The following KAZN variants were observed in gnomAD, a reference collection of about 807,000 sequenced individuals.
The protein encoded by KAZN is kazrin.
In KAZN, 40 loss-of-function variants were observed where a neutral mutation model predicts 87.4. That is an observed-to-expected ratio of 0.46 (90% CI 0.36 to 0.60). The LOEUF (loss-of-function observed/expected upper bound fraction) is 0.60, where lower values mean the gene tolerates loss of function less well. Ranked by LOEUF, KAZN falls within the 20% of genes least tolerant of loss-of-function variation. The probability of loss-of-function intolerance (pLI) is 0.00; values close to 1 mark genes in which losing one functional copy is unlikely to be tolerated. For synonymous variants in KAZN, 466 were observed against 458.3 expected, an observed-to-expected ratio of 1.02 and a Z score of -0.22; for missense variants, 898 against 1,073.9, an observed-to-expected ratio of 0.84 and a Z score of 2.29.
At chr1:15,034,418 T>C (rs1390542928) in intron 2 of KAZN, among the ~76,000 whole-genome samples, 1 of 152,182 alleles carries the variant, frequency 6.6e-6, no homozygotes, top group Non-Finnish European at 1.5e-5. Context: ...TCCTGAGCCA[T>C]GGGCCCCTGG....
At chr1:13,961,279 A>G (rs1397735962) in intron 1 of KAZN, among the ~76,000 whole-genome samples, 1 of 152,208 alleles carries the variant, frequency 6.6e-6, no homozygotes, top group Non-Finnish European at 1.5e-5. Flanking sequence ...AATAAACCAT[A>G]AACCAGAACA....
In KAZN at chr1:14,732,638, CA is replaced by C. The variant is rs955376910; in HGVS notation, c.226+133419del. Among the ~76,000 whole-genome samples the C allele has an allele frequency of 4.6e-5, 7 of 151,996 alleles. No homozygotes were observed. In the South Asian group the frequency reaches 1.5e-3, roughly 32 times the overall value. ...TGGGTGACAGAGCAAGACTCTGTCT[CA>C]AAACAAAAGGAAAAGAACAAAATGA... On this transcript the variant is annotated intron_variant, in intron 1 of 14. Coordinates refer to ENST00000376030, the MANE Select transcript of KAZN (RefSeq NM_201628.3).
intron 1 of KAZN, among the ~76,000 whole-genome samples, chr1:14,131,485 G>A (rs1427207438): frequency 6.6e-6 from 1 of 152,116 alleles, no homozygotes; most frequent in Non-Finnish European, 1.5e-5. Flanking sequence ...TAGTGTAGAA[G>A]GAGAAACCTT....
chr1:14,100,675 T>TA (rs1431145806), intron 1 of KAZN, among the ~76,000 whole-genome samples: 1 of 152,208 alleles, frequency 6.6e-6, no homozygotes, highest in African/African-American at 2.4e-5. Flanking sequence ...GCCTGGTACA[T>TA]ACACAAATTC....
intron 1 of KAZN, among the ~76,000 whole-genome samples, chr1:14,951,280 G>A (rs192401472): frequency 2.8e-4 from 43 of 152,090 alleles, no homozygotes; most frequent in South Asian, 2.5e-3. Flanking sequence ...GGGCTCTGCC[G>A]GCCTCCTCAT....
At chr1:14,222,924 A>G (rs770957366) in intron 2 of KAZN, 9 of 152,186 alleles carry the variant, frequency 5.9e-5, no homozygotes, top group Non-Finnish European at 1.3e-4. Context: ...TATTATAGTC[A>G]TCATCATCAA....
chr1:14,383,836 T>G lies in KAZN; in HGVS notation c.249+203244T>G, dbSNP rs1435832846. 2.6e-5 allele frequency among the ~76,000 whole-genome samples: 4 copies of G among 152,162 alleles called. No individual in the cohort carries two copies. The East Asian group carries it at 7.7e-4, about 29-fold the overall frequency. On this transcript the variant is annotated intron_variant, in intron 2 of 16. Transcript: ENST00000636203. ...TTCCATATGAACTTTAAAGTAGTTT[T>G]TCCAATTCTGTGAAGAAAGTCATTG...
intron 13 of KAZN, among the ~76,000 whole-genome samples, chr1:15,106,884 T>G (rs1641313458): frequency 6.6e-6 from 1 of 152,134 alleles, no homozygotes; most frequent in South Asian, 2.1e-4. Context: ...TTTAAGGACC[T>G]GGAGAATAAA....
At chr1:14,371,591 CCT>C (rs1179090971) in intron 2 of KAZN, among the ~76,000 whole-genome samples, 1 of 152,012 alleles carries the variant, frequency 6.6e-6, no homozygotes, top group African/African-American at 2.4e-5. Flanking sequence ...TTCTTGGTAC[CCT>C]CTTGGAAGAT....
At chr1:14,523,314 T>C (rs1671683695) in intron 2 of KAZN, among the ~76,000 whole-genome samples, 1 of 152,122 alleles carries the variant, frequency 6.6e-6, no homozygotes, top group Non-Finnish European at 1.5e-5. Context: ...AGTTGCTCCC[T>C]CTCCACCAAA....
intron 2 of KAZN, among the ~76,000 whole-genome samples, chr1:14,468,116 C>T (rs1668263158): frequency 1.3e-5 from 2 of 152,088 alleles, no homozygotes; most frequent in Admixed American, 6.6e-5. Flanking sequence ...AAACCACAAG[C>T]GTCTACTACA....
chr1:14,480,649 TATA>T (rs1009326548), intron 2 of KAZN, among the ~76,000 whole-genome samples: 21 of 145,032 alleles, frequency 1.4e-4, no homozygotes, highest in Non-Finnish European at 2.3e-4. Context: ...TATTATAATA[TATA>T]ATATTTATTT....
rs558282132 is a variant in KAZN at position 15,116,680 on chromosome 1, G to T, written c.*2045G>T. 6.6e-6 allele frequency: 1 copy of T among 152,252 alleles called. No homozygotes were observed. Among genetic ancestry groups the T allele is most frequent in the African/African-American group, 2.4e-5 (1 of 41,466 alleles). The allele number at this position is 152,252 out of a possible 1,614,324, so 9.4% of individuals were successfully genotyped here. ...ATGACCTGGGACCCCAGAAACTGCC[G>T]TTTGGGAGGCAGCAACAGCAACGTG... On this transcript the variant is annotated 3_prime_UTR_variant, in exon 15 of 15. Transcript: ENST00000376030.
At chr1:14,386,712 G>A (rs1489322890) in intron 2 of KAZN, among the ~76,000 whole-genome samples, 1 of 152,028 alleles carries the variant, frequency 6.6e-6, no homozygotes, top group Admixed American at 6.5e-5. Context: ...TCCCTTTGAG[G>A]GTAACATGAC....
chr1:15,067,120 G>T, intron 8 of KAZN: 2 of 985,838 alleles, frequency 2.0e-6, no homozygotes, highest in Non-Finnish European at 2.4e-6. Flanking sequence ...TGTCTTTCTT[G>T]TCCTGGGTTT....
intron 2 of KAZN, among the ~76,000 whole-genome samples, chr1:14,326,644 C>G (rs1053066513): frequency 1.3e-5 from 2 of 152,130 alleles, no homozygotes; most frequent in African/African-American, 4.8e-5. Flanking sequence ...CCCCTGGTAC[C>G]TCTCTCACCT....
chr1:13,994,574 G>C (rs999271922), intron 1 of KAZN, among the ~76,000 whole-genome samples: 15 of 152,164 alleles, frequency 9.9e-5, no homozygotes, highest in African/African-American at 3.6e-4. Flanking sequence ...AATTTCAATG[G>C]GGAACAAAAC....
At chr1:14,323,352 T>A (rs1490977013) in intron 2 of KAZN, among the ~76,000 whole-genome samples, 1 of 152,074 alleles carries the variant, frequency 6.6e-6, no homozygotes, top group Non-Finnish European at 1.5e-5. Context: ...AAAACATTGG[T>A]GAACAGTATG....
At chr1:14,780,990 G>C (rs1431813533) in intron 1 of KAZN, among the ~76,000 whole-genome samples, 2 of 152,180 alleles carry the variant, frequency 1.3e-5, no homozygotes, top group Admixed American at 1.3e-4. Context: ...CGAGTGGAGT[G>C]GGGGACACTG....
Sources: allele counts gnomAD v4.1 joint callset (sites outside exome capture counted in the v4.1 genomes callset), GRCh38; gene constraint gnomAD v4.1.1; transcripts MANE v1.5; gene names NCBI Gene and HGNC (gene_info 2026-07-23, HGNC 2026-07-21).